The following FBXO9 variants were observed in gnomAD, a reference collection of about 807,000 sequenced individuals.
FBXO9 encodes the protein F-box protein 9, also known as F-box only protein 9.
A neutral mutation model predicts 63.7 loss-of-function variants in FBXO9; 43 were observed. The observed-to-expected ratio is 0.67, with a 90% CI of 0.53 to 0.87. The LOEUF (loss-of-function observed/expected upper bound fraction) is 0.87. Among genes scored for constraint, FBXO9 ranks in the 40% least tolerant of loss-of-function variants. The pLI, the probability that FBXO9 is intolerant of heterozygous loss-of-function variation, is 0.00. For synonymous variants in FBXO9, 156 were observed against 171.7 expected (o/e 0.91, Z 0.72); for missense variants, 442 against 533.2 (o/e 0.83, Z 1.68).
At chr6:53,070,780 T>A (rs1768884899) in intron 1 of FBXO9, 1 of 393,564 alleles carries the variant, frequency 2.5e-6, no homozygotes, top group South Asian at 6.5e-5. Flanking sequence ...TTTGGATGGA[T>A]GCAACTGATG....
intron 1 of FBXO9, among the ~76,000 whole-genome samples, chr6:53,068,757 A>G (rs113231858): frequency 0.038 from 5,726 of 151,506 alleles, 248 homozygotes; most frequent in African/African-American, 0.1. Context: ...GGCTCAAGCA[A>G]TCCTCTCACC....
chr6:53,092,512 A>G lies in FBXO9; in HGVS notation c.737A>G (p.Glu246Gly). Residue 246 changes from glutamate (E) to glycine (G), a missense_variant, in exon 8 of 13, where the codon GAG (glutamate) becomes GGG (glycine). Physicochemically the swap from Glu to Gly is moderately conservative, Grantham distance 98. This residue lies in a region of FBXO9 where 262 missense variants were observed against 362.1 expected (regional missense o/e 0.72). Transcript: ENST00000323557. ...IKLVPYTSWR[E>G]MFLERPRVRF... ...CTTGTTCCGTACACGTCCTGGAGAG[A>G]GATGTTTTTAGAACGGCCTCGTGTT... The G allele has an allele frequency of 6.2e-7, 1 of 1,613,840 alleles. No homozygotes were observed. The highest frequency in any genetic ancestry group is 8.5e-7 in the Non-Finnish European group (1 of 1,179,840).
At chr6:53,096,348 C>T (rs1763209280) in intron 12 of FBXO9, among the ~76,000 whole-genome samples, 1 of 152,210 alleles carries the variant, frequency 6.6e-6, no homozygotes, top group African/African-American at 2.4e-5. Context: ...AATATTGGTA[C>T]ATGACTGAAG....
At chr6:53,079,129 A>C (rs1437133917) in intron 5 of FBXO9, among the ~76,000 whole-genome samples, 2 of 152,204 alleles carry the variant, frequency 1.3e-5, no homozygotes, top group African/African-American at 4.8e-5. Context: ...AACAGATACA[A>C]AAAAACGGTT....
chr6:53,090,929 C>G (rs966083272), intron 7 of FBXO9: 6 of 152,086 alleles, frequency 3.9e-5, no homozygotes, highest in African/African-American at 1.4e-4. Context: ...ATTGCCCAGG[C>G]TAGTTTTTAC....
intron 4 of FBXO9, 132 bp downstream of exon 4, chr6:53,076,675 C>CATTG: frequency 1.6e-6 from 1 of 609,342 alleles, no homozygotes; most frequent in Non-Finnish European, 2.5e-6. Context: ...CTTCAGTACT[C>CATTG]ATTGGAAATT....
At position 53,092,613 on chromosome 6, in the gene FBXO9, C is replaced by T. The variant is rs1262925011; in HGVS notation, c.772+66C>T. 2.2e-5 allele frequency: 32 copies of T among 1,476,518 alleles called. 1 individual carries two copies. In the South Asian group the frequency reaches 2.5e-4, roughly 12 times the overall value. 91.5% of individuals were successfully genotyped at this position (1,476,518 alleles called of 1,614,324 possible). On this transcript the variant is annotated intron_variant, in intron 8 of 12. Transcript: ENST00000323557. ...ATAATGCTGATTTTTATAAATACGC[C>T]GTTTAAATTTTCTGTGATGAATGTG... is the stretch of plus-strand genomic sequence containing the variant.
intron 10 of FBXO9, 148 bp downstream of exon 10, chr6:53,093,709 G>T: frequency 1.2e-6 from 1 of 856,708 alleles, no homozygotes; most frequent in Non-Finnish European, 1.8e-6. Context: ...CCAATTTCTG[G>T]GCTTTTCCTT....
intron 2 of FBXO9, among the ~76,000 whole-genome samples, chr6:53,072,945 A>G (rs545667455): frequency 6.6e-6 from 1 of 151,506 alleles, no homozygotes; most frequent in Non-Finnish European, 1.5e-5. Context: ...CTGTTCTCGA[A>G]CTCCTGACCT....
chr6:53,099,903 A>G lies in FBXO9; in HGVS notation c.*2073A>G, dbSNP rs1003752709. The G allele has an allele frequency of 3.3e-5, 5 of 152,224 alleles. No homozygotes were observed. The highest frequency in any genetic ancestry group is 7.3e-5 in the Non-Finnish European group (5 of 68,032). The allele number at this position is 152,224 out of a possible 1,614,324, so 9.4% of individuals were successfully genotyped here. On this transcript the variant is annotated 3_prime_UTR_variant, in exon 13 of 13. Transcript: ENST00000323557. ...AATAAATAGAACATGATTAGGACAT[A>G]GTCAAATATAGCTAGAAAAATATAT...
At chr6:53,065,952 CG>C (rs1460809560) in intron 1 of FBXO9, 160 bp downstream of exon 1, 5 of 1,145,838 alleles carry the variant, frequency 4.4e-6, no homozygotes, top group Non-Finnish European at 4.4e-6. Context: ...AGGAGTGCGT[CG>C]GGGGGCGGGG....
chr6:53,065,550 G>A lies in FBXO9; in HGVS notation c.-240G>A. ...GCGTCCCTCCACTCCCCGAGTCCCC[G>A]GCAGCCGCCGCCACCCCAGCGCGCC... On this transcript the variant is annotated 5_prime_UTR_variant, in exon 1 of 13. Transcript: ENST00000323557. 1 of 413,168 alleles carries A rather than the reference G, an allele frequency of 2.4e-6. No individual in the cohort carries two copies. The highest frequency in any genetic ancestry group is 4.2e-6 in the Non-Finnish European group (1 of 238,946). The allele number at this position is 413,168 out of a possible 1,614,324, so 25.6% of individuals were successfully genotyped here.
chr6:53,088,547 G>A (rs1214447694), intron 7 of FBXO9, among the ~76,000 whole-genome samples: 1 of 151,834 alleles, frequency 6.6e-6, no homozygotes, highest in Admixed American at 6.6e-5. Context: ...GAGAAAGTCA[G>A]GAGTTTAGAC....
chr6:53,079,438 A>T (rs372640484), intron 5 of FBXO9, among the ~76,000 whole-genome samples: 4 of 152,202 alleles, frequency 2.6e-5, no homozygotes, highest in Non-Finnish European at 5.9e-5. Context: ...ACATTTATTT[A>T]AAAGCACAGG....
chr6:53,066,894 C>T (rs1269268016), intron 1 of FBXO9, among the ~76,000 whole-genome samples: 8 of 152,322 alleles, frequency 5.3e-5, no homozygotes, highest in South Asian at 2.1e-4. Flanking sequence ...GACCAAATGT[C>T]AACTCAGCCG....
intron 2 of FBXO9, among the ~76,000 whole-genome samples, chr6:53,071,713 G>A (rs1327418832): frequency 1.3e-5 from 2 of 152,210 alleles, no homozygotes; most frequent in Non-Finnish European, 2.9e-5. Flanking sequence ...CTCATGCAGT[G>A]TACATGAAAA....
At chr6:53,070,768 T>G in intron 1 of FBXO9, 1 of 359,394 alleles carries the variant, frequency 2.8e-6, no homozygotes. Context: ...ATTAAATTGA[T>G]TTTTGGATGG....
chr6:53,077,226 G>A (rs1769143687), intron 4 of FBXO9, among the ~76,000 whole-genome samples: 1 of 152,038 alleles, frequency 6.6e-6, no homozygotes, highest in Admixed American at 6.6e-5. Flanking sequence ...TGTAATCCCA[G>A]CACTTTGGGA....
chr6:53,083,707 AT>A (rs747468302), intron 7 of FBXO9, among the ~76,000 whole-genome samples: 2 of 152,206 alleles, frequency 1.3e-5, no homozygotes, highest in Non-Finnish European at 2.9e-5. Context: ...TTAACCAGTC[AT>A]AGAAGCCTGA....
Sources: gnomAD v4.1 joint callset for allele counts (sites outside exome capture counted in the v4.1 genomes callset) on GRCh38, gnomAD v4.1.1 for gene constraint, gnomAD v4.1.1 regional missense constraint, MANE v1.5 for transcripts, NCBI Gene and HGNC (gene_info 2026-07-23, HGNC 2026-07-21) for gene names.